LINC00632: variants seen among roughly 807,000 people sequenced by gnomAD.
The protein encoded by LINC00632 is ALDOA related specific transcript.
chrX:140,710,770 CAAG>C (rs1930500035), intron 1 of LINC00632, among the ~76,000 whole-genome samples: 1 of 110,716 alleles, frequency 9.0e-6, no homozygotes, highest in Admixed American at 9.7e-5. Flanking sequence ...CAGCAGCAAT[CAAG>C]GAGGAAAAAT....
chrX:140,769,579 A>C (rs1931754937), intron 3 of LINC00632, among the ~76,000 whole-genome samples: 1 of 110,548 alleles, frequency 9.0e-6, no homozygotes, highest in African/African-American at 3.3e-5. Flanking sequence ...TGTTTTATTC[A>C]CTGCAAACAT....
At chrX:140,786,721 C>A (rs1384835099) in exon 5 of LINC00632, among the ~76,000 whole-genome samples, 1 of 111,535 alleles carries the variant, frequency 9.0e-6, no homozygotes, top group East Asian at 2.8e-4. Flanking sequence ...GGATAATTCA[C>A]ACACAAAGAT....
At chrX:140,719,341 C>T (rs931718153) in intron 2 of LINC00632, among the ~76,000 whole-genome samples, 7 of 110,145 alleles carry the variant, frequency 6.4e-5, no homozygotes, top group Non-Finnish European at 1.1e-4. Flanking sequence ...CTCTGTTGCC[C>T]GGGCTGGAGT....
At chrX:140,769,899 T>C (rs969880801) in intron 3 of LINC00632, among the ~76,000 whole-genome samples, 1 of 111,766 alleles carries the variant, frequency 8.9e-6, no homozygotes, top group African/African-American at 3.3e-5. Flanking sequence ...TTACTTTCTG[T>C]ACTATAAACA....
chrX:140,790,303 G>GT (rs200982287), exon 5 of LINC00632, among the ~76,000 whole-genome samples: 1 of 110,283 alleles, frequency 9.1e-6, no homozygotes, highest in Non-Finnish European at 1.9e-5. Flanking sequence ...GAGAGAGTCA[G>GT]TTTTTTTCAA....
intron 3 of LINC00632, among the ~76,000 whole-genome samples, chrX:140,762,714 G>A (rs1302358564): frequency 8.9e-6 from 1 of 112,353 alleles, no homozygotes; most frequent in Non-Finnish European, 1.9e-5. Context: ...ATGAAAATAA[G>A]TGGGCATGAA....
chrX:140,749,337 C>T (rs1186602814), intron 3 of LINC00632, among the ~76,000 whole-genome samples: 1 of 111,968 alleles, frequency 8.9e-6, no homozygotes, highest in Non-Finnish European at 1.9e-5. Flanking sequence ...TTGCCAAAAA[C>T]ATTCTGTAAT....
At chrX:140,749,582 A>G (rs899066163) in intron 3 of LINC00632, among the ~76,000 whole-genome samples, 8 of 111,482 alleles carry the variant, frequency 7.2e-5, no homozygotes, top group Non-Finnish European at 1.5e-4. Context: ...TATAAGAAGT[A>G]GGGGAGGAGG....
intron 3 of LINC00632, among the ~76,000 whole-genome samples, chrX:140,753,594 TA>T (rs1251854449): frequency 1.8e-5 from 2 of 110,452 alleles, no homozygotes; most frequent in Non-Finnish European, 3.8e-5. Flanking sequence ...AATATCCCGT[TA>T]TTTTTTATCT....
At chrX:140,784,476 G>T (rs1931987763) in exon 5 of LINC00632, 5 of 921,329 alleles carry the variant, frequency 5.4e-6, no homozygotes, top group Non-Finnish European at 6.1e-6. Context: ...CATCTCCAGG[G>T]CTTCCAGCAT....
chrX:140,728,037 TC>T (rs1930992097), intron 2 of LINC00632, among the ~76,000 whole-genome samples: 1 of 110,839 alleles, frequency 9.0e-6, no homozygotes, highest in Non-Finnish European at 1.9e-5. Context: ...CATTGGGAGT[TC>T]GAGATCAGCC....
intron 3 of LINC00632, among the ~76,000 whole-genome samples, chrX:140,758,968 T>TC (rs1931541521): frequency 9.9e-6 from 1 of 101,235 alleles, no homozygotes; most frequent in African/African-American, 3.6e-5. Flanking sequence ...TCTTTTCTTT[T>TC]TTTTTTTTTT....
intron 2 of LINC00632, among the ~76,000 whole-genome samples, chrX:140,720,283 T>C (rs919733824): frequency 2.7e-5 from 3 of 110,371 alleles, no homozygotes; most frequent in African/African-American, 9.9e-5. Context: ...TCAGAAGAAA[T>C]GCTCAAAAAT....
intron 3 of LINC00632, among the ~76,000 whole-genome samples, chrX:140,768,752 TATC>T (rs1451060205): frequency 2.0e-5 from 2 of 99,927 alleles, no homozygotes; most frequent in East Asian, 5.8e-4. Context: ...ATAACATATT[TATC>T]ATATATAATA....
exon 5 of LINC00632, among the ~76,000 whole-genome samples, chrX:140,777,947 C>T (rs767216257): frequency 8.9e-6 from 1 of 112,085 alleles, no homozygotes; most frequent in African/African-American, 3.2e-5. Context: ...TCAAGTTTTA[C>T]CATGTTTTAG....
chrX:140,727,963 G>A (rs984856633), intron 2 of LINC00632, among the ~76,000 whole-genome samples: 2 of 111,549 alleles, frequency 1.8e-5, no homozygotes, highest in Non-Finnish European at 3.8e-5. Context: ...CTTACAGGCC[G>A]GGCGTGGTGG....
chrX:140,790,356 C>T (rs1297663968), exon 5 of LINC00632, among the ~76,000 whole-genome samples: 1 of 110,697 alleles, frequency 9.0e-6, no homozygotes, highest in Non-Finnish European at 1.9e-5. Flanking sequence ...ATTTGGAATT[C>T]TCTTTTTATC....
intron 3 of LINC00632, among the ~76,000 whole-genome samples, chrX:140,768,687 A>G (rs1037772181): frequency 1.2e-4 from 12 of 97,209 alleles, no homozygotes; most frequent in African/African-American, 4.5e-4. Flanking sequence ...TACATACTAT[A>G]TAATATATTT....
At chrX:140,736,436 C>CTTTTTTTTTTTTTTT (rs748293491) in intron 3 of LINC00632, among the ~76,000 whole-genome samples, 4 of 50,052 alleles carry the variant, frequency 8.0e-5, no homozygotes, top group African/African-American at 1.7e-4. Context: ...TCTTCTTCTT[C>CTTTTTTTTTTTTTTT]TTTTTTTTTT....
Sources: gnomAD v4.1 joint callset for allele counts (sites outside exome capture counted in the v4.1 genomes callset) on GRCh38, gnomAD v4.1.1 for gene constraint, MANE v1.5 for transcripts, NCBI Gene and HGNC (gene_info 2026-07-23, HGNC 2026-07-21) for gene names.